Variants in ALK observed in about 807,000 individuals in gnomAD.
ALK encodes the protein ALK tyrosine kinase receptor.
A neutral mutation model predicts 163.1 loss-of-function variants in ALK; 74 were observed. The observed-to-expected ratio is 0.45, with a 90% confidence interval of 0.38 to 0.55. The LOEUF (loss-of-function observed/expected upper bound fraction) is 0.55. ALK is among the 20% of genes least tolerant of loss of function. The pLI, the probability that ALK is intolerant of heterozygous loss-of-function variation, is 0.00. For missense variants in ALK, 2,063 were observed against 2,105.3 expected, an observed-to-expected ratio of 0.98 and a Z score of 0.39; for synonymous variants, 960 against 843.2, an observed-to-expected ratio of 1.14 and a Z score of -2.40.
intron 5 of ALK, 104 bp from the exon 6 acceptor site, chr2:29,328,585 C>T (rs901785035): frequency 4.8e-6 from 7 of 1,469,542 alleles, no homozygotes; most frequent in Middle Eastern, 1.7e-4. Flanking sequence ...ACAGCATTAT[C>T]CTGCCCTGCC....
intron 1 of ALK, among the ~76,000 whole-genome samples, chr2:29,833,686 G>A (rs1665482637): frequency 6.6e-6 from 1 of 152,198 alleles, no homozygotes; most frequent in Non-Finnish European, 1.5e-5. Flanking sequence ...TTACAAATGA[G>A]AAAACTGAGG....
Position 29,320,680 on chromosome 2 carries a change from C to T in ALK, c.1546+71G>A, listed in dbSNP as rs368166126. ...GCCCTGCAGGTGGGGTGAAGTCCAG[C>T]CCTGAGTCTCCCATCTGTCTATGTG... On this transcript the variant is annotated intron_variant, in intron 7 of 28. Transcript: ENST00000389048. 112 of 1,607,422 alleles carry T rather than the reference C, an allele frequency of 7.0e-5. No individual in the cohort carries two copies. The East Asian group carries it at 9.1e-4, about 13-fold the overall frequency.
chr2:29,614,032 G>C (rs1675770119), intron 3 of ALK, among the ~76,000 whole-genome samples: 1 of 152,162 alleles, frequency 6.6e-6, no homozygotes, highest in Non-Finnish European at 1.5e-5. Flanking sequence ...AGACAGCCTT[G>C]TGTGACAGGA....
intron 9 of ALK, among the ~76,000 whole-genome samples, chr2:29,284,835 A>G (rs1665809002): frequency 6.6e-6 from 1 of 152,196 alleles, no homozygotes; most frequent in African/African-American, 2.4e-5. Flanking sequence ...CTGGTTGCAC[A>G]TCGTGTGCTG....
In ALK at chr2:29,246,407, C is replaced by G. The variant is rs1246081442; in HGVS notation, c.2204+4698G>C. Among the ~76,000 whole-genome samples, 1 of 152,152 alleles carries G rather than the reference C, an allele frequency of 6.6e-6. No individual in the cohort carries two copies. The highest frequency in any genetic ancestry group is 1.5e-5 in the Non-Finnish European group (1 of 68,022). On this transcript the variant is annotated intron_variant, in intron 12 of 28. Coordinates refer to ENST00000389048, the MANE Select transcript of ALK (RefSeq NM_004304.5). The surrounding 1 kb of genome is among the most constrained non-coding windows in gnomAD (Gnocchi z 4.3). ...CAACACGAGGATGCTGTCCCCCTCC[C>G]CAGCACAAACCCCATAATCCACGTT...
chr2:29,336,430 T>G (rs1250353821), intron 5 of ALK, among the ~76,000 whole-genome samples: 2 of 152,258 alleles, frequency 1.3e-5, no homozygotes, highest in African/African-American at 4.8e-5. Flanking sequence ...CAGTCATCTG[T>G]CACTTGCATC....
intron 4 of ALK, among the ~76,000 whole-genome samples, chr2:29,416,706 A>G (rs1669886366): frequency 6.6e-6 from 1 of 152,120 alleles, no homozygotes; most frequent in African/African-American, 2.4e-5. Context: ...CTGTAGACTC[A>G]CTTCGCAGGA....
chr2:29,201,969 C>G (rs1231949390), intron 26 of ALK, among the ~76,000 whole-genome samples: 1 of 152,018 alleles, frequency 6.6e-6, no homozygotes, highest in Non-Finnish European at 1.5e-5. Flanking sequence ...AAGCAAAGAT[C>G]ATATCACACT....
At chr2:29,209,519 G>T (rs1669405049) in intron 25 of ALK, among the ~76,000 whole-genome samples, 1 of 144,192 alleles carries the variant, frequency 6.9e-6, no homozygotes, top group African/African-American at 2.6e-5. Flanking sequence ...TCCAGCCTGG[G>T]CAACAAGAGC....
chr2:29,208,110 A>G, intron 25 of ALK: 2 of 451,674 alleles, frequency 4.4e-6, no homozygotes, highest in East Asian at 1.4e-4. Flanking sequence ...TTAGTGGAAG[A>G]AATGGATATA....
At chr2:29,257,602 A>G (rs971167808) in intron 11 of ALK, among the ~76,000 whole-genome samples, 3 of 152,352 alleles carry the variant, frequency 2.0e-5, no homozygotes, top group African/African-American at 7.2e-5. Flanking sequence ...ACTATTAATC[A>G]CAACAGTAAG....
chr2:29,506,543 G>A (rs1672329465), intron 4 of ALK, among the ~76,000 whole-genome samples: 1 of 152,096 alleles, frequency 6.6e-6, no homozygotes, highest in African/African-American at 2.4e-5. Flanking sequence ...TCGGGAGATT[G>A]AGACCATCCT....
intron 1 of ALK, among the ~76,000 whole-genome samples, chr2:29,838,441 C>T: frequency 6.6e-6 from 1 of 152,004 alleles, no homozygotes; most frequent in East Asian, 1.9e-4. Context: ...TTGTTAAAAA[C>T]TAATGATAGA....
chr2:29,397,925 G>C (rs1365856005), intron 4 of ALK, among the ~76,000 whole-genome samples: 2 of 152,204 alleles, frequency 1.3e-5, no homozygotes, highest in Non-Finnish European at 2.9e-5. Context: ...TGCTGTATCA[G>C]CCATATGGGA....
chr2:29,655,142 T>C (rs978034611), intron 3 of ALK, among the ~76,000 whole-genome samples: 12 of 152,136 alleles, frequency 7.9e-5, no homozygotes, highest in African/African-American at 2.7e-4. Flanking sequence ...GCCATGTCTG[T>C]CTCTGATTTA....
At chr2:29,421,190 C>T (rs1242528361) in intron 4 of ALK, among the ~76,000 whole-genome samples, 3 of 151,496 alleles carry the variant, frequency 2.0e-5, no homozygotes, top group African/African-American at 4.9e-5. Context: ...ATCCACAAGG[C>T]CAACATAGCA....
At position 29,209,856 on chromosome 2, in the gene ALK, G is replaced by A. The variant is rs2148155323; in HGVS notation, c.3766C>T (p.Leu1256Phe). ...CTTCCAGGGCCTGGACAGGTCAAGA[G>A]GCAGTTTCTGGCAGCAATGTCTCTG... Reference protein sequence around the residue: ...IHRDIAARNCLLTCPGPGRVA... With the variant: ...IHRDIAARNCFLTCPGPGRVA... Residue 1256 changes from leucine to phenylalanine, a missense_variant, in exon 25 of 29, where the codon CTC (leucine) becomes TTC (phenylalanine). By Grantham distance (22) the Leu-to-Phe change is conservative. Coordinates refer to ENST00000389048, the MANE Select transcript of ALK (RefSeq NM_004304.5). The A allele has an allele frequency of 6.2e-7, 1 of 1,614,172 alleles. No individual in the cohort carries two copies. Among genetic ancestry groups the A allele is most frequent in the Non-Finnish European group, 8.5e-7 (1 of 1,180,020 alleles).
At chr2:29,229,872 C>T (rs1024680893) in intron 15 of ALK, among the ~76,000 whole-genome samples, 7 of 152,130 alleles carry the variant, frequency 4.6e-5, no homozygotes, top group South Asian at 2.1e-4. Flanking sequence ...GGTGGGTGGA[C>T]GATACCCTGG....
At chr2:29,759,422 T>TGTGTGTGTGC (rs1491135299) in intron 1 of ALK, among the ~76,000 whole-genome samples, 9 of 152,102 alleles carry the variant, frequency 5.9e-5, no homozygotes, top group Non-Finnish European at 1.3e-4. Flanking sequence ...TGCAAGTGCA[T>TGTGTGTGTGC]GTGTGTGTGC....
Sources: gnomAD v4.1 joint callset for allele counts (sites outside exome capture counted in the v4.1 genomes callset) on GRCh38, gnomAD v4.1.1 for gene constraint, Gnocchi (gnomAD v3.1) non-coding constraint, MANE v1.5 for transcripts, NCBI Gene and HGNC (gene_info 2026-07-23, HGNC 2026-07-21) for gene names.